Variants in SGCD observed in about 807,000 individuals in gnomAD.
SGCD encodes the protein delta-sarcoglycan.
SGCD carries 18 observed loss-of-function variants against 36.6 expected under a neutral mutation model. That is an observed-to-expected ratio of 0.49 (90% CI 0.34 to 0.73). SGCD has a LOEUF of 0.73. SGCD is among the 30% of genes least tolerant of loss of function. The pLI is 0.01. For synonymous variants in SGCD, 133 were observed against 130.6 expected (o/e 1.02, Z -0.12); for missense variants, 387 against 346.7 (o/e 1.12, Z -0.92).
At chr5:156,631,241 A>T (rs992944161) in intron 6 of SGCD, among the ~76,000 whole-genome samples, 3 of 152,158 alleles carry the variant, frequency 2.0e-5, no homozygotes, top group Admixed American at 2.0e-4. Context: ...TTAAAAAGAG[A>T]TGCTAATGTA....
At chr5:156,582,491 C>G (rs1227622519) in intron 4 of SGCD, among the ~76,000 whole-genome samples, 1 of 152,188 alleles carries the variant, frequency 6.6e-6, no homozygotes, top group East Asian at 1.9e-4. Flanking sequence ...TCTGTGACAT[C>G]TGCACTCCCA....
At chr5:155,851,073 A>G in the SGCD span, among the ~76,000 whole-genome samples, 1 of 152,128 alleles carries the variant, frequency 6.6e-6, no homozygotes, top group Non-Finnish European at 1.5e-5. Context: ...AGCTTTACTA[A>G]TTATGTTCCA....
intron 1 of SGCD, among the ~76,000 whole-genome samples, chr5:155,902,965 C>A (rs79534328): frequency 0.013 from 1,963 of 152,174 alleles, 25 homozygotes; most frequent in Middle Eastern, 0.038. Flanking sequence ...TTCTTTTGAG[C>A]CCTATGTCTA....
intron 7 of SGCD, among the ~76,000 whole-genome samples, chr5:156,751,092 C>T (rs1386377958): frequency 2.0e-5 from 3 of 151,988 alleles, no homozygotes; most frequent in Non-Finnish European, 4.4e-5. Context: ...GAGGATTTGC[C>T]TTATGAAGTA....
chr5:155,960,322 A>C (rs1405742277), intron 1 of SGCD, among the ~76,000 whole-genome samples: 1 of 152,092 alleles, frequency 6.6e-6, no homozygotes, highest in Non-Finnish European at 1.5e-5. Flanking sequence ...AGGACATGAC[A>C]GAACATTTAT....
chr5:156,358,704 G>C (rs1486072050), intron 3 of SGCD, among the ~76,000 whole-genome samples: 1 of 152,214 alleles, frequency 6.6e-6, no homozygotes, highest in Non-Finnish European at 1.5e-5. Flanking sequence ...TGTAAAGAAG[G>C]CAGGAAGGGG....
chr5:155,738,005 G>C, the SGCD span, among the ~76,000 whole-genome samples: 2 of 152,088 alleles, frequency 1.3e-5, no homozygotes, highest in Non-Finnish European at 2.9e-5. Context: ...AATAGATCCT[G>C]GACGAGGGAA....
chr5:156,636,515 G>A (rs913492162), intron 6 of SGCD, among the ~76,000 whole-genome samples: 1 of 152,274 alleles, frequency 6.6e-6, no homozygotes, highest in Middle Eastern at 3.4e-3. Flanking sequence ...CATAAGTTAG[G>A]TATTATGGAA....
At chr5:156,059,591 G>C (rs112512375) in intron 1 of SGCD, among the ~76,000 whole-genome samples, 2 of 144,878 alleles carry the variant, frequency 1.4e-5, no homozygotes, top group African/African-American at 5.1e-5. Flanking sequence ...TTTAAGGCCC[G>C]CTGGCTTTGA....
At chr5:155,927,836 T>A (rs1294481237) in intron 1 of SGCD, among the ~76,000 whole-genome samples, 1 of 152,228 alleles carries the variant, frequency 6.6e-6, no homozygotes, top group African/African-American at 2.4e-5. Context: ...CAGTTGTGAG[T>A]GGCATACCAA....
intron 1 of SGCD, among the ~76,000 whole-genome samples, chr5:155,944,769 T>G (rs1460906548): frequency 6.6e-6 from 1 of 152,214 alleles, no homozygotes; most frequent in East Asian, 1.9e-4. Context: ...TGCACTGAAT[T>G]TGTTTCCAAC....
the SGCD span, among the ~76,000 whole-genome samples, chr5:155,810,795 CTTTTTTTTTTTTTTTTTTTTTTTTTT>C: frequency 5.7e-5 from 2 of 35,304 alleles, no homozygotes; most frequent in Non-Finnish European, 1.0e-4. Flanking sequence ...TTAGTGTCTG[CTTTTTTTTTTTTTTTTTTTTTTTTTT>C]TTTTTTTTTT....
rs542499236 is a variant in SGCD, at chr5:156,186,509, A to G, written c.-44+62490A>G. On this transcript the variant is annotated intron_variant, in intron 3 of 9. Coordinates refer to the SGCD transcript ENST00000517913. ...ATTAGCTAAAGAAAGCATCTATGGCACTCCTAAGACTTTATCTGGTTTTAT... is the reference window on the plus strand; with the variant it reads ...ATTAGCTAAAGAAAGCATCTATGGCGCTCCTAAGACTTTATCTGGTTTTAT... Among the ~76,000 whole-genome samples, 9 of 152,172 alleles carry G rather than the reference A, an allele frequency of 5.9e-5. No individual in the cohort carries two copies. The South Asian group carries it at 1.9e-3, about 32-fold the overall frequency.
At chr5:156,106,109 C>CAAA (rs1159337817) in intron 1 of SGCD, among the ~76,000 whole-genome samples, 254 of 34,976 alleles carry the variant, frequency 7.3e-3, no homozygotes, top group Middle Eastern at 0.036. Flanking sequence ...GACTCTGCCT[C>CAAA]AAAAAAAAAA....
At chr5:155,783,527 C>A in the SGCD span, among the ~76,000 whole-genome samples, 1 of 151,390 alleles carries the variant, frequency 6.6e-6, no homozygotes, top group East Asian at 1.9e-4. Flanking sequence ...GAGTGAGGAT[C>A]TAAAAAGGAA....
chr5:155,818,330 A>G, the SGCD span, among the ~76,000 whole-genome samples: 11 of 152,084 alleles, frequency 7.2e-5, no homozygotes, highest in Non-Finnish European at 1.0e-4. Flanking sequence ...TCCAAAAAGA[A>G]AGGCCAGCAA....
At chr5:156,411,823 G>A (rs1015188968) in intron 3 of SGCD, among the ~76,000 whole-genome samples, 4 of 152,206 alleles carry the variant, frequency 2.6e-5, no homozygotes, top group African/African-American at 9.7e-5. Flanking sequence ...ATTCGGGCCT[G>A]TTGTAAAATC....
intron 3 of SGCD, among the ~76,000 whole-genome samples, chr5:156,275,084 CTCAA>C (rs1766282393): frequency 1.3e-5 from 2 of 152,164 alleles, no homozygotes; most frequent in Non-Finnish European, 2.9e-5. Context: ...AAATGTATAA[CTCAA>C]GCCACATAAG....
the SGCD span, among the ~76,000 whole-genome samples, chr5:155,733,033 T>C: frequency 6.9e-4 from 61 of 88,394 alleles, no homozygotes; most frequent in Admixed American, 5.9e-3. Context: ...TTTTTTTTTT[T>C]CCCAGTGCCA....
Sources: allele counts gnomAD v4.1 joint callset (sites outside exome capture counted in the v4.1 genomes callset), GRCh38; gene constraint gnomAD v4.1.1; transcripts MANE v1.5; gene names NCBI Gene and HGNC (gene_info 2026-07-23, HGNC 2026-07-21).